Variants in DNAH11 observed in about 807,000 individuals in gnomAD.
DNAH11 encodes axonemal beta dynein heavy chain 11.
DNAH11 carries 442 observed loss-of-function variants against 526.0 expected under a neutral mutation model. That is an observed-to-expected ratio of 0.84 (90% CI 0.78 to 0.91). The LOEUF (loss-of-function observed/expected upper bound fraction) is 0.91. Among genes scored for constraint, DNAH11 ranks in the 40% least tolerant of loss-of-function variants. The pLI is 0.00. For synonymous variants in DNAH11, 2,461 were observed against 1,935.9 expected (o/e 1.27, Z -7.12); for missense variants, 6,989 against 5,448.7 (o/e 1.28, Z -8.90).
intron 56 of DNAH11, among the ~76,000 whole-genome samples, chr7:21,776,991 G>A (rs1188408057): frequency 2.6e-5 from 4 of 151,086 alleles, no homozygotes; most frequent in Non-Finnish European, 5.9e-5. Flanking sequence ...ATCACATGTA[G>A]GTCTGGGTAC....
intron 62 of DNAH11, among the ~76,000 whole-genome samples, chr7:21,804,355 C>T (rs185508675): frequency 1.2e-4 from 18 of 152,214 alleles, no homozygotes; most frequent in South Asian, 2.1e-4. Context: ...GTGATCCACC[C>T]GCCTCAGCCT....
chr7:21,643,471 C>G (rs1000741678), intron 28 of DNAH11, among the ~76,000 whole-genome samples: 1 of 152,178 alleles, frequency 6.6e-6, no homozygotes, highest in Non-Finnish European at 1.5e-5. Context: ...TAGAGCTATA[C>G]TAAAGAAAGA....
At chr7:21,652,246 T>G (rs1404557762) in intron 28 of DNAH11, among the ~76,000 whole-genome samples, 1 of 152,102 alleles carries the variant, frequency 6.6e-6, no homozygotes, top group Non-Finnish European at 1.5e-5. Context: ...CCAGAGGAAG[T>G]GATGCCAGGA....
chr7:21,846,812 C>G (rs1433121322), intron 66 of DNAH11, among the ~76,000 whole-genome samples: 1 of 152,172 alleles, frequency 6.6e-6, no homozygotes, highest in Non-Finnish European at 1.5e-5. Context: ...CTCTTTTCTT[C>G]CAGTGAAATC....
intron 58 of DNAH11, among the ~76,000 whole-genome samples, chr7:21,786,386 T>C (rs1788192958): frequency 6.6e-6 from 1 of 151,998 alleles, no homozygotes; most frequent in Non-Finnish European, 1.5e-5. Flanking sequence ...TATAGATCAT[T>C]TTTCTTGAAG....
intron 8 of DNAH11, among the ~76,000 whole-genome samples, chr7:21,577,270 T>C (rs6461584): frequency 0.45 from 68,280 of 152,036 alleles, 16,039 homozygotes; most frequent in East Asian, 0.76. Flanking sequence ...CCAAACACCA[T>C]GGAAGAAACT....
intron 30 of DNAH11, among the ~76,000 whole-genome samples, chr7:21,659,796 G>C (rs1310773679): frequency 6.6e-6 from 1 of 152,056 alleles, no homozygotes; most frequent in Non-Finnish European, 1.5e-5. Flanking sequence ...TTCTGCTTTA[G>C]CAGTACTTTT....
intron 45 of DNAH11, among the ~76,000 whole-genome samples, chr7:21,728,308 A>G (rs1475566391): frequency 8.5e-6 from 1 of 117,786 alleles, no homozygotes; most frequent in Non-Finnish European, 1.6e-5. Flanking sequence ...CCCAGGCTGG[A>G]GTGCAGTGGT....
chr7:21,813,829 T>A, intron 63 of DNAH11, among the ~76,000 whole-genome samples: 1 of 152,188 alleles, frequency 6.6e-6, no homozygotes, highest in East Asian at 1.9e-4. Context: ...CTTAAAGGGT[T>A]CCCTCTTTGC....
Position 21,615,206 on chromosome 7 carries a change from A to C in DNAH11, c.3945A>C (p.Gln1315His). The C allele has an allele frequency of 6.2e-7, 1 of 1,613,560 alleles. No homozygotes were observed. The highest frequency in any genetic ancestry group is 8.5e-7 in the Non-Finnish European group (1 of 1,179,630). The change falls in exon 21 of 82, where the codon CAA (glutamine) becomes CAC (histidine). Residue 1315 changes from glutamine (Q) to histidine (H), a missense_variant. Transcript: ENST00000409508. The stretch of plus-strand genomic sequence containing the variant: ...AAGTGGCTCTTCCAGAGTACAAACA[A>C]ATGAAACAGTGTCGCAAAGAAATAA... ...LFEVALPEYK[Q>H]MKQCRKEIKL...
At chr7:21,612,540 G>A (rs1051605853) in intron 20 of DNAH11, among the ~76,000 whole-genome samples, 6 of 127,122 alleles carry the variant, frequency 4.7e-5, no homozygotes, top group African/African-American at 1.9e-4. Flanking sequence ...GGGCGACAGA[G>A]TGAGGCTCCG....
At chr7:21,823,786 A>G (rs1790155896) in intron 65 of DNAH11, among the ~76,000 whole-genome samples, 1 of 152,226 alleles carries the variant, frequency 6.6e-6, no homozygotes, top group Non-Finnish European at 1.5e-5. Flanking sequence ...ATATTAGTTA[A>G]AATATTAAAA....
In DNAH11 at chr7:21,815,078, A is replaced by G. The variant is rs549757427; in HGVS notation, c.10333-1389A>G. Among the ~76,000 whole-genome samples, 392 of 152,180 alleles carry G rather than the reference A, an allele frequency of 2.6e-3. 1 individual carries two copies. The highest frequency in any genetic ancestry group is 9.0e-3 in the African/African-American group (375 of 41,522). ...TATTTCCCCTACTGAGCAGGAAAAA[A>G]GGGGGAGATTGGTATTCTGTTTGAT... On this transcript the variant is annotated intron_variant, in intron 63 of 81. Coordinates refer to ENST00000409508, the MANE Select transcript of DNAH11 (RefSeq NM_001277115.2).
intron 51 of DNAH11, among the ~76,000 whole-genome samples, chr7:21,745,971 G>C (rs1429706899): frequency 6.6e-6 from 1 of 152,180 alleles, no homozygotes; most frequent in Non-Finnish European, 1.5e-5. Context: ...AGATCAGTTA[G>C]GCTGCAGCAT....
chr7:21,813,769 G>A (rs1789639206), intron 63 of DNAH11, among the ~76,000 whole-genome samples: 1 of 152,228 alleles, frequency 6.6e-6, no homozygotes, highest in Middle Eastern at 3.4e-3. Context: ...ACTTAATAGA[G>A]CAATTAGATG....
chr7:21,703,234 T>C (rs1784135188), intron 37 of DNAH11, among the ~76,000 whole-genome samples: 1 of 152,152 alleles, frequency 6.6e-6, no homozygotes. Context: ...GGTGGGTGCC[T>C]GACACCAATG....
intron 28 of DNAH11, among the ~76,000 whole-genome samples, chr7:21,644,501 A>G (rs1787262149): frequency 6.6e-6 from 1 of 152,236 alleles, no homozygotes; most frequent in Non-Finnish European, 1.5e-5. Flanking sequence ...ATCCATAAAA[A>G]AATTCTAACT....
chr7:21,818,101 C>G, intron 64 of DNAH11, 116 bp from the exon 65 acceptor site: 6 of 1,006,280 alleles, frequency 6.0e-6, no homozygotes, highest in Non-Finnish European at 8.5e-6. Flanking sequence ...AAATAGTTTT[C>G]TCTAAGTTTG....
At chr7:21,654,972 G>A (rs1226402945) in intron 28 of DNAH11, among the ~76,000 whole-genome samples, 5 of 152,122 alleles carry the variant, frequency 3.3e-5, no homozygotes, top group Non-Finnish European at 7.4e-5. Context: ...CTGGGGTTGC[G>A]GTTGGAGGCC....
Sources: gnomAD v4.1 joint callset for allele counts (sites outside exome capture counted in the v4.1 genomes callset) on GRCh38, gnomAD v4.1.1 for gene constraint, MANE v1.5 for transcripts, NCBI Gene and HGNC (gene_info 2026-07-23, HGNC 2026-07-21) for gene names.